Variants in SGPP2 observed in about 807,000 individuals in gnomAD.
SGPP2 encodes the protein sphingosine 1-phosphate phosphohydrolase 2.
In SGPP2, 30 loss-of-function variants were observed where a neutral mutation model predicts 33.9. The observed-to-expected ratio is 0.89, with a 90% CI of 0.66 to 1.20. The LOEUF (loss-of-function observed/expected upper bound fraction) is 1.20, where lower values mean the gene tolerates loss of function less well. Among genes scored for constraint, SGPP2 ranks in the 50% most tolerant of loss-of-function variants. SGPP2 has a pLI of 0.00. For missense variants in SGPP2, 458 were observed against 532.1 expected (o/e 0.86, Z 1.37); for synonymous variants, 233 against 225.0 (o/e 1.04, Z -0.32).
rs911995867 is a variant in SGPP2, at chr2:222,496,110, C to T, written c.378+21384C>T. On this transcript the variant is annotated intron_variant, in intron 2 of 4. Transcript: ENST00000321276. ...GCAAGAATCCTTTCGAATGGCATCT[C>T]TCCTTACCTAAATCCAGATTTGCTT... Among the ~76,000 whole-genome samples the T allele has an allele frequency of 3.3e-5, 5 of 152,344 alleles. No individual in the cohort carries two copies. In the South Asian group the frequency reaches 6.2e-4, roughly 19 times the overall value.
chr2:222,424,525 C>T (rs1450818530), upstream of SGPP2: 7 of 1,021,100 alleles, frequency 6.9e-6, no homozygotes, highest in African/African-American at 6.8e-5. Flanking sequence ...TCGGCGGGGG[C>T]GAGGCGGGAG....
In SGPP2 at chr2:222,456,950, G is replaced by A. The variant is rs72966726; in HGVS notation, c.220-17618G>A. 5.3e-3 allele frequency among the ~76,000 whole-genome samples: 805 copies of A among 152,030 alleles called. 3 individuals are homozygous for A. The highest frequency in any genetic ancestry group is 8.7e-3 in the Non-Finnish European group (594 of 67,986). On this transcript the variant is annotated intron_variant, in intron 1 of 4. Transcript: ENST00000321276. ...TGAACTATTTAAGAAGCTTCAAAGC[G>A]CCATGAAAGACTCTAAACTCTCATG...
rs563917776 is a variant in SGPP2, at chr2:222,543,846, C to A, written c.649-14501C>A. Reference sequence around the variant, plus strand: ...ATTCTTGTATTCTCATATAAATTTTCGAATCGGCTTTTCATTTTCTCCAAT... The same window carrying A: ...ATTCTTGTATTCTCATATAAATTTTAGAATCGGCTTTTCATTTTCTCCAAT... On this transcript the variant is annotated intron_variant, in intron 4 of 4. Coordinates refer to ENST00000321276, the MANE Select transcript of SGPP2 (RefSeq NM_152386.4). 1.1e-4 allele frequency among the ~76,000 whole-genome samples: 17 copies of A among 152,250 alleles called. No individual in the cohort carries two copies. The South Asian group carries it at 3.3e-3, about 30-fold the overall frequency.
intron 1 of SGPP2, among the ~76,000 whole-genome samples, chr2:222,432,178 G>T (rs765715590): frequency 6.6e-5 from 10 of 152,224 alleles, no homozygotes; most frequent in Non-Finnish European, 1.5e-4. Flanking sequence ...GTGCAGGATT[G>T]ATGGAGGTGC....
At chr2:222,480,327 G>T (rs1409821999) in intron 2 of SGPP2, among the ~76,000 whole-genome samples, 2 of 152,180 alleles carry the variant, frequency 1.3e-5, no homozygotes, top group African/African-American at 4.8e-5. Flanking sequence ...GAGTTTGGAA[G>T]CCTCATTTTC....
At chr2:222,523,530 G>C (rs1478298538) in intron 3 of SGPP2, among the ~76,000 whole-genome samples, 1 of 152,088 alleles carries the variant, frequency 6.6e-6, no homozygotes, top group Non-Finnish European at 1.5e-5. Context: ...CCATTGCAGA[G>C]CCACCCAGTC....
intron 4 of SGPP2, among the ~76,000 whole-genome samples, chr2:222,535,571 C>G (rs998211941): frequency 2.0e-5 from 3 of 152,192 alleles, no homozygotes; most frequent in African/African-American, 4.8e-5. Context: ...CCCTGCGTGG[C>G]AGAGAGCCAC....
chr2:222,453,061 T>C, intron 1 of SGPP2: 2 of 1,353,272 alleles, frequency 1.5e-6, no homozygotes, highest in East Asian at 2.3e-5. Context: ...TGTGGCGCTA[T>C]TCTCTGCAGC....
At chr2:222,425,390 C>T (rs1321904271) in intron 1 of SGPP2, among the ~76,000 whole-genome samples, 1 of 152,230 alleles carries the variant, frequency 6.6e-6, no homozygotes, top group African/African-American at 2.4e-5. Flanking sequence ...AACAGCAACT[C>T]TCGCTTGCCC....
chr2:222,526,510 C>A (rs531585755), intron 4 of SGPP2, among the ~76,000 whole-genome samples: 2 of 152,336 alleles, frequency 1.3e-5, no homozygotes, highest in African/African-American at 4.8e-5. Context: ...CAAAGAGGTT[C>A]TCTCCAAATA....
chr2:222,485,384 A>G (rs555870050), intron 2 of SGPP2, among the ~76,000 whole-genome samples: 103 of 152,234 alleles, frequency 6.8e-4, no homozygotes, highest in Non-Finnish European at 1.2e-3. Flanking sequence ...CATTTGACAG[A>G]CTGAGTGTCC....
rs1336607065 is a variant in SGPP2, at chr2:222,560,210, T to C, written c.*1312T>C. 6.6e-6 allele frequency: 1 copy of C among 152,236 alleles called. No individual in the cohort carries two copies. Among genetic ancestry groups the C allele is most frequent in the Non-Finnish European group, 1.5e-5 (1 of 68,046 alleles). 9.4% of individuals were successfully genotyped at this position (152,236 alleles called of 1,614,324 possible). ...TGAAGAACAGATGAACTCAATCCTT[T>C]CTGGAGTCTGACAAAGAAGGGATAG... is the stretch of plus-strand genomic sequence containing the variant. On this transcript the variant is annotated 3_prime_UTR_variant, in exon 5 of 5. Coordinates refer to ENST00000321276, the MANE Select transcript of SGPP2 (RefSeq NM_152386.4).
intron 2 of SGPP2, among the ~76,000 whole-genome samples, chr2:222,521,056 A>T (rs1698678813): frequency 6.6e-6 from 1 of 152,196 alleles, no homozygotes. Flanking sequence ...CACTGCACCC[A>T]ACCTGAGTCT....
chr2:222,435,784 A>C (rs1284352095), intron 1 of SGPP2, among the ~76,000 whole-genome samples: 1 of 152,268 alleles, frequency 6.6e-6, no homozygotes, highest in African/African-American at 2.4e-5. Context: ...GGAAATACTC[A>C]TGACAATTAC....
chr2:222,558,544 T>C lies in SGPP2; in HGVS notation c.846T>C (p.Ala282=). 1 of 1,614,228 alleles carries C rather than the reference T, an allele frequency of 6.2e-7. No individual in the cohort carries two copies. Among genetic ancestry groups the C allele is most frequent in the Non-Finnish European group, 8.5e-7 (1 of 1,180,036 alleles). The part of the protein sequence containing the change: ...PTRADTTTIL[A]AGAGVTIGFW... ...GGGCGGACACCACCACCATTCTGGC[T>C]GCCGGGGCTGGAGTGACCATAGGAT... Residue 282 remains alanine (A), a synonymous_variant, in exon 5 of 5, where the codon GCT becomes GCC. Transcript: ENST00000321276.
At chr2:222,432,885 G>A (rs1203930197) in intron 1 of SGPP2, among the ~76,000 whole-genome samples, 1 of 152,136 alleles carries the variant, frequency 6.6e-6, no homozygotes, top group Non-Finnish European at 1.5e-5. Flanking sequence ...GCGGGGCATG[G>A]TGGCACATAC....
intron 1 of SGPP2, among the ~76,000 whole-genome samples, chr2:222,446,946 A>G (rs1196711754): frequency 6.6e-6 from 1 of 152,252 alleles, no homozygotes; most frequent in Non-Finnish European, 1.5e-5. Flanking sequence ...TTGCTGCTAT[A>G]GGTGACAGTA....
chr2:222,548,530 G>A (rs942080272), intron 4 of SGPP2, among the ~76,000 whole-genome samples: 1 of 152,178 alleles, frequency 6.6e-6, no homozygotes. Context: ...GGATATCTAA[G>A]GTGGCTCAGA....
chr2:222,528,331 A>G (rs1698790860), intron 4 of SGPP2, among the ~76,000 whole-genome samples: 2 of 152,288 alleles, frequency 1.3e-5, no homozygotes, highest in South Asian at 4.1e-4. Flanking sequence ...TCAAGTCAAT[A>G]TCACAATCAA....
Sources: gnomAD v4.1 joint callset for allele counts (sites outside exome capture counted in the v4.1 genomes callset) on GRCh38, gnomAD v4.1.1 for gene constraint, MANE v1.5 for transcripts, NCBI Gene and HGNC (gene_info 2026-07-23, HGNC 2026-07-21) for gene names.